RADIL: variants seen among roughly 807,000 people sequenced by gnomAD.
RADIL encodes the protein Rap associating with DIL domain.
A neutral mutation model predicts 97.6 loss-of-function variants in RADIL; 99 were observed. The observed-to-expected ratio is 1.01, with a 90% confidence interval of 0.86 to 1.20. The LOEUF (loss-of-function observed/expected upper bound fraction) is 1.20, where lower values mean the gene tolerates loss of function less well. Among genes scored for constraint, RADIL ranks in the 50% most tolerant of loss-of-function variants. RADIL has a pLI of 0.00. For synonymous variants in RADIL, 803 were observed against 691.8 expected, an observed-to-expected ratio of 1.16 and a Z score of -2.52; for missense variants, 1,765 against 1,498.9, an observed-to-expected ratio of 1.18 and a Z score of -2.93.
At chr7:4,802,628 G>C (rs1267555425) in intron 11 of RADIL, among the ~76,000 whole-genome samples, 2 of 132,322 alleles carry the variant, frequency 1.5e-5, no homozygotes, top group Non-Finnish European at 3.3e-5. Flanking sequence ...ATGCTGGCTG[G>C]ACCCCCTCCC....
chr7:4,861,287 G>T (rs920429798), intron 2 of RADIL: 1 of 1,613,958 alleles, frequency 6.2e-7, no homozygotes, highest in Non-Finnish European at 8.5e-7. Flanking sequence ...AGTCTGTAGT[G>T]CTAATCTTGC....
chr7:4,868,564 G>A (rs915317425), intron 2 of RADIL, among the ~76,000 whole-genome samples: 8 of 152,174 alleles, frequency 5.3e-5, no homozygotes, highest in East Asian at 1.9e-4. Flanking sequence ...TGTTAGCCAC[G>A]CTTGCTTCAC....
At position 4,859,735 on chromosome 7, in the gene RADIL, G is replaced by A. The variant is rs77710661; in HGVS notation, c.535+17870C>T. 3,689 of 599,270 alleles carry A rather than the reference G, an allele frequency of 6.2e-3. 15 individuals carry two copies. Among genetic ancestry groups the A allele is most frequent in the Non-Finnish European group, 9.0e-3 (3,033 of 338,688 alleles). The allele number at this position is 599,270 out of a possible 1,614,324, so 37.1% of individuals were successfully genotyped here. A position where few individuals can be genotyped will look rare whatever the true frequency, so the allele number is the denominator to read the frequency against. On this transcript the variant is annotated intron_variant, in intron 2 of 14. Transcript: ENST00000399583. ...GATTTGCAGGGAGAACAGGGATACC[G>A]GAAAGATCTATACTGATGTTCCCTG...
chr7:4,817,407 G>C lies in RADIL; in HGVS notation c.1616-56C>G, dbSNP rs1782705128. 6.7e-7 allele frequency: 1 copy of C among 1,488,552 alleles called. No individual in the cohort carries two copies. The highest frequency in any genetic ancestry group is 1.4e-5 in the African/African-American group (1 of 72,374). 92.2% of individuals were successfully genotyped at this position (1,488,552 alleles called of 1,614,324 possible). ...AACGGGCACAGCGCTCAGGAACGCA[G>C]CAACTCAGCCAGCCGCCAGCTCTTT... On this transcript the variant is annotated intron_variant, in intron 6 of 14. Coordinates refer to ENST00000399583, the MANE Select transcript of RADIL (RefSeq NM_018059.5). The surrounding 1 kb of genome is among the most constrained non-coding windows in gnomAD (Gnocchi z 8.3).
intron 9 of RADIL, among the ~76,000 whole-genome samples, chr7:4,806,397 G>A (rs142647278): frequency 3.9e-5 from 6 of 152,080 alleles, no homozygotes; most frequent in Non-Finnish European, 8.8e-5. Context: ...CAAACTCCAC[G>A]GCTGGTCTCA....
chr7:4,848,177 G>C (rs1048463795), intron 2 of RADIL, among the ~76,000 whole-genome samples: 2 of 150,182 alleles, frequency 1.3e-5, no homozygotes, highest in Non-Finnish European at 2.9e-5. Flanking sequence ...TCCAGCCTGG[G>C]TGACTGCACA....
intron 12 of RADIL, among the ~76,000 whole-genome samples, chr7:4,801,267 C>A (rs894314197): frequency 2.6e-5 from 4 of 152,232 alleles, no homozygotes; most frequent in Non-Finnish European, 5.9e-5. Context: ...CAGGCACACA[C>A]AGGCCCTGCC....
intron 10 of RADIL, chr7:4,805,288 G>C (rs541736841): frequency 5.0e-6 from 2 of 401,898 alleles, no homozygotes; most frequent in African/African-American, 2.0e-5. Context: ...CTCCGGCTCC[G>C]TGAGGGAACG....
At position 4,836,569 on chromosome 7, in the gene RADIL, C is replaced by A. The variant is rs758019619; in HGVS notation, c.572G>T (p.Arg191Leu). The change falls in exon 3 of 15, where the codon CGC becomes CTC. Residue 191 changes from arginine (R) to leucine (L), a missense_variant. Physicochemically the swap from Arg to Leu is moderately radical, Grantham distance 102. Coordinates refer to ENST00000399583, the MANE Select transcript of RADIL (RefSeq NM_018059.5). ...GGCCGGGGTCGGGGTTCCCTTCGCG[C>A]GACTCCGCTGCAGCCTCCGGGCCTG... ...NAQARRLQRS[R>L]AKGTPTPALG... The A allele has an allele frequency of 5.6e-6, 9 of 1,607,546 alleles. No homozygotes were observed. The South Asian group carries it at 6.6e-5, about 12-fold the overall frequency.
At position 4,878,778 on chromosome 7, in the gene RADIL, C is replaced by G. The variant is rs1329688881; in HGVS notation, c.-64-575G>C. ...AAGTGCTGGGCGCAGCGCCCGTGTG[C>G]AGTGAGCATCAAGGAGCGCCCCACC... On this transcript the variant is annotated intron_variant, in intron 1 of 14. Coordinates refer to ENST00000399583, the MANE Select transcript of RADIL (RefSeq NM_018059.5). This position sits in a 1 kb window ranked among gnomAD's most constrained non-coding sequence, Gnocchi z 4.1. Among the ~76,000 whole-genome samples the G allele has an allele frequency of 6.6e-6, 1 of 152,238 alleles. No individual in the cohort carries two copies. The highest frequency in any genetic ancestry group is 1.5e-5 in the Non-Finnish European group (1 of 68,040).
In RADIL at chr7:4,873,647, T is replaced by A. The variant is rs776959696; in HGVS notation, c.535+3958A>T. 6.6e-6 allele frequency among the ~76,000 whole-genome samples: 1 copy of A among 152,206 alleles called. No individual in the cohort carries two copies. Among genetic ancestry groups the A allele is most frequent in the Non-Finnish European group, 1.5e-5 (1 of 68,034 alleles). ...CCCACTTCAGTAGGATTTGTTTCAC[T>A]GCAGCCCCCCACCTTCCCCCAAAGC... On this transcript the variant is annotated intron_variant, in intron 2 of 14. Coordinates refer to ENST00000399583, the MANE Select transcript of RADIL (RefSeq NM_018059.5). The surrounding 1 kb of genome is among the most constrained non-coding windows in gnomAD (Gnocchi z 4.3).
chr7:4,868,266 G>A (rs1020882312), intron 2 of RADIL, among the ~76,000 whole-genome samples: 2 of 152,178 alleles, frequency 1.3e-5, no homozygotes, highest in African/African-American at 2.4e-5. Flanking sequence ...GTTTCACCGT[G>A]TTAGCCAGAA....
At chr7:4,843,805 G>A (rs1388413365) in intron 2 of RADIL, among the ~76,000 whole-genome samples, 1 of 151,742 alleles carries the variant, frequency 6.6e-6, no homozygotes, top group Non-Finnish European at 1.5e-5. Context: ...CCAGCTACTC[G>A]GGAGGCTGAG....
chr7:4,804,012 C>T (rs1358226882), intron 10 of RADIL: 3 of 551,150 alleles, frequency 5.4e-6, no homozygotes, highest in Non-Finnish European at 1.0e-5. Flanking sequence ...AGCCAGGAAC[C>T]CTCCAGCCCC....
At position 4,870,659 on chromosome 7, in the gene RADIL, GT is replaced by G. The variant is rs1160821138; in HGVS notation, c.535+6945del. 9.2e-5 allele frequency among the ~76,000 whole-genome samples: 14 copies of G among 152,162 alleles called. 1 individual carries two copies. Among genetic ancestry groups the G allele is most frequent in the Non-Finnish European group, 2.1e-4 (14 of 68,030 alleles). On this transcript the variant is annotated intron_variant, in intron 2 of 14. Coordinates refer to ENST00000399583, the MANE Select transcript of RADIL (RefSeq NM_018059.5). The stretch of plus-strand genomic sequence containing the variant: ...GGATTTCACCATGTTGGCCAGGCTG[GT>G]CTGGAACTCCTGACCTCAGGTGATC...
At chr7:4,848,830 G>T (rs79401853) in intron 2 of RADIL, among the ~76,000 whole-genome samples, 13,447 of 152,140 alleles carry the variant, frequency 0.088, 702 homozygotes, top group South Asian at 0.14. Flanking sequence ...GACATAGTAG[G>T]ATACGTTTGT....
intron 9 of RADIL, among the ~76,000 whole-genome samples, chr7:4,807,274 G>A (rs372489067): frequency 1.3e-5 from 2 of 151,796 alleles, no homozygotes; most frequent in Non-Finnish European, 2.9e-5. Context: ...ACAGAACGAC[G>A]TCCTCCAACA....
In RADIL at chr7:4,821,312, A is replaced by AC. The variant is rs1782824422; in HGVS notation, c.1615+1081dup. On this transcript the variant is annotated intron_variant, in intron 6 of 14. Coordinates refer to ENST00000399583, the MANE Select transcript of RADIL (RefSeq NM_018059.5). The surrounding 1 kb of genome is among the most constrained non-coding windows in gnomAD (Gnocchi z 5.2). ...GGACAGCAAGGCCGTTGGGGGCAGA[A>AC]CCAAGGCTTCCCATGAGAGGTCTGG... Among the ~76,000 whole-genome samples the AC allele has an allele frequency of 6.6e-6, 1 of 152,156 alleles. No individual in the cohort carries two copies. Among genetic ancestry groups the AC allele is most frequent in the South Asian group, 2.1e-4 (1 of 4,830 alleles).
Position 4,803,951 on chromosome 7 carries a change from G to A in RADIL, c.2291-197C>T, listed in dbSNP as rs546102417. On this transcript the variant is annotated intron_variant, in intron 10 of 14. Transcript: ENST00000399583. ...GACTCATCCCTTCTGAATTCCCGCC[G>A]ACCACCCGGTGTGACATCCGAGCAG... 553 of 676,088 alleles carry A rather than the reference G, an allele frequency of 8.2e-4. 1 individual carries two copies. The highest frequency in any genetic ancestry group is 1.1e-3 in the Non-Finnish European group (422 of 370,490). The allele number at this position is 676,088 out of a possible 1,614,324, so 41.9% of individuals were successfully genotyped here.
Sources: allele counts gnomAD v4.1 joint callset (sites outside exome capture counted in the v4.1 genomes callset), GRCh38; gene constraint gnomAD v4.1.1; non-coding constraint Gnocchi (gnomAD v3.1); transcripts MANE v1.5; gene names NCBI Gene and HGNC (gene_info 2026-07-23, HGNC 2026-07-21).